LYPLAL1: variants seen among roughly 807,000 people sequenced by gnomAD.
The protein encoded by LYPLAL1 is lysophospholipase like 1, also known as lysophospholipase-like protein 1.
A neutral mutation model predicts 19.7 loss-of-function variants in LYPLAL1; 23 were observed. The ratio of observed to expected loss-of-function variants is 1.17; its 90% confidence interval spans 0.84 to 1.65. The LOEUF is 1.65. Among genes scored for constraint, LYPLAL1 ranks in the 40% most tolerant of loss-of-function variants. The probability of loss-of-function intolerance (pLI) is 0.00; values close to 1 mark genes in which losing one functional copy is unlikely to be tolerated. For synonymous variants in LYPLAL1, 119 were observed against 96.3 expected, an observed-to-expected ratio of 1.24 and a Z score of -1.38; for missense variants, 355 against 279.4, an observed-to-expected ratio of 1.27 and a Z score of -1.93.
the LYPLAL1 span, among the ~76,000 whole-genome samples, chr1:219,247,010 C>A: frequency 2.6e-5 from 4 of 152,196 alleles, no homozygotes; most frequent in African/African-American, 9.7e-5. Flanking sequence ...ACCTTCTTCC[C>A]TGTATCTGTT....
the LYPLAL1 span, among the ~76,000 whole-genome samples, chr1:219,415,579 A>C: frequency 6.6e-6 from 1 of 152,200 alleles, no homozygotes; most frequent in African/African-American, 2.4e-5. Flanking sequence ...GAGCACATAC[A>C]CTTGAGAAAT....
intron 3 of LYPLAL1, among the ~76,000 whole-genome samples, chr1:219,194,183 C>T (rs977103898): frequency 6.6e-6 from 1 of 151,886 alleles, no homozygotes; most frequent in African/African-American, 2.4e-5. Flanking sequence ...CATCACCTTT[C>T]TGGTCCTTAG....
chr1:219,438,644 G>A, the LYPLAL1 span, among the ~76,000 whole-genome samples: 1 of 152,136 alleles, frequency 6.6e-6, no homozygotes, highest in African/African-American at 2.4e-5. Context: ...TTTTGACTTT[G>A]CATTTAAATG....
chr1:219,319,603 C>T, the LYPLAL1 span, among the ~76,000 whole-genome samples: 1 of 152,122 alleles, frequency 6.6e-6, no homozygotes, highest in Non-Finnish European at 1.5e-5. Context: ...TGGGCAGAAA[C>T]CACCTGCCAA....
At chr1:219,340,820 G>A in the LYPLAL1 span, among the ~76,000 whole-genome samples, 50 of 152,102 alleles carry the variant, frequency 3.3e-4, no homozygotes, top group Middle Eastern at 6.8e-3. Flanking sequence ...TCAGTGAAAC[G>A]ACAACTAGAA....
chr1:219,194,253 C>T (rs1657428232), intron 3 of LYPLAL1, among the ~76,000 whole-genome samples: 1 of 151,694 alleles, frequency 6.6e-6, no homozygotes, highest in African/African-American at 2.4e-5. Flanking sequence ...TGATGTTTAA[C>T]TCTAATAGAG....
At chr1:219,372,903 C>CAA in the LYPLAL1 span, among the ~76,000 whole-genome samples, 22 of 144,796 alleles carry the variant, frequency 1.5e-4, no homozygotes, top group African/African-American at 5.3e-4. Context: ...GACCCCTTCT[C>CAA]AAAAAAAAAA....
chr1:219,355,594 G>T, the LYPLAL1 span, among the ~76,000 whole-genome samples: 1 of 151,978 alleles, frequency 6.6e-6, no homozygotes, highest in South Asian at 2.1e-4. Context: ...CAGAGATACA[G>T]AAAAACATTA....
chr1:219,174,230 G>T, intron 1 of LYPLAL1: 1 of 1,381,762 alleles, frequency 7.2e-7, no homozygotes, highest in Non-Finnish European at 9.4e-7. Flanking sequence ...GTGTCCCGCC[G>T]CTCAGCCAGC....
chr1:219,396,125 A>C, the LYPLAL1 span, among the ~76,000 whole-genome samples: 2 of 150,022 alleles, frequency 1.3e-5, no homozygotes, highest in South Asian at 4.2e-4. Flanking sequence ...AAAAAGAAGG[A>C]GTCCAATTTC....
chr1:219,403,341 A>T, the LYPLAL1 span, among the ~76,000 whole-genome samples: 1 of 152,316 alleles, frequency 6.6e-6, no homozygotes, highest in Non-Finnish European at 1.5e-5. Flanking sequence ...GTGCATGGGG[A>T]TTGCAGAAGA....
the LYPLAL1 span, among the ~76,000 whole-genome samples, chr1:219,307,924 T>C: frequency 1.3e-5 from 2 of 152,218 alleles, no homozygotes; most frequent in Non-Finnish European, 2.9e-5. Flanking sequence ...TTAAACCTTT[T>C]TTCTTCCCAG....
chr1:219,200,317 C>T, intron 3 of LYPLAL1: 1 of 202,990 alleles, frequency 4.9e-6, no homozygotes, highest in Non-Finnish European at 1.1e-5. Flanking sequence ...GTCATTTTAG[C>T]AAAATTTTTA....
the LYPLAL1 span, among the ~76,000 whole-genome samples, chr1:219,326,157 G>T: frequency 6.6e-6 from 1 of 151,932 alleles, no homozygotes; most frequent in African/African-American, 2.4e-5. Flanking sequence ...CAGGTGACCC[G>T]CCTGCCTCGG....
the LYPLAL1 span, among the ~76,000 whole-genome samples, chr1:219,236,086 A>C: frequency 6.6e-6 from 1 of 152,230 alleles, no homozygotes; most frequent in South Asian, 2.1e-4. Flanking sequence ...GGACATTAAA[A>C]ATAAAAAAAG....
downstream of LYPLAL1, among the ~76,000 whole-genome samples, chr1:219,215,431 G>A (rs1659258216): frequency 6.6e-6 from 1 of 152,028 alleles, no homozygotes; most frequent in Non-Finnish European, 1.5e-5. Flanking sequence ...ATTATTGTGT[G>A]TCTTGGTATA....
intron 2 of LYPLAL1, among the ~76,000 whole-genome samples, chr1:219,188,539 G>A (rs1656904560): frequency 6.6e-6 from 1 of 151,780 alleles, no homozygotes; most frequent in Admixed American, 6.6e-5. Context: ...AGTGAAGGGT[G>A]GGAGAGAGAA....
the LYPLAL1 span, among the ~76,000 whole-genome samples, chr1:219,326,589 A>G: frequency 6.6e-6 from 1 of 152,144 alleles, no homozygotes; most frequent in East Asian, 1.9e-4. Flanking sequence ...CAACAAGAAA[A>G]TTCCTTCTAC....
the LYPLAL1 span, among the ~76,000 whole-genome samples, chr1:219,301,757 T>G: frequency 7.3e-6 from 1 of 137,252 alleles, no homozygotes; most frequent in Non-Finnish European, 1.6e-5. Context: ...ACTCTCCTAT[T>G]TTTAACTAAC....
Sources: gnomAD v4.1 joint callset for allele counts (sites outside exome capture counted in the v4.1 genomes callset) on GRCh38, gnomAD v4.1.1 for gene constraint, MANE v1.5 for transcripts, NCBI Gene and HGNC (gene_info 2026-07-23, HGNC 2026-07-21) for gene names.